Variants in ENDOD1 observed in about 807,000 individuals in gnomAD.
ENDOD1 encodes the protein endonuclease domain-containing 1 protein.
Under a neutral mutation model 6.5 loss-of-function variants are expected in ENDOD1, and 9 were observed. That is an observed-to-expected ratio of 1.39 (90% CI 0.84 to 2.43). The LOEUF (loss-of-function observed/expected upper bound fraction) is 2.43, where lower values mean the gene tolerates loss of function less well. Ranked by LOEUF, ENDOD1 falls within the 30% of genes most tolerant of loss-of-function variation. The probability of loss-of-function intolerance (pLI) is 0.00; values close to 1 mark genes in which losing one functional copy is unlikely to be tolerated. For missense variants in ENDOD1, 648 were observed against 635.5 expected (o/e 1.02, Z -0.21); for synonymous variants, 255 against 255.2 (o/e 1.00, Z 0.01).
chr11:95,113,378 C>A (rs1859168948), intron 1 of ENDOD1, among the ~76,000 whole-genome samples: 1 of 152,108 alleles, frequency 6.6e-6, no homozygotes, highest in Admixed American at 6.5e-5. Context: ...TTAACCGTCT[C>A]CACCTCCCCA....
intron 1 of ENDOD1, among the ~76,000 whole-genome samples, chr11:95,125,055 A>G (rs1164624778): frequency 1.3e-5 from 2 of 151,110 alleles, no homozygotes; most frequent in Non-Finnish European, 2.9e-5. Flanking sequence ...CCCCTTCCTC[A>G]TCCAAGTCCC....
At chr11:95,123,279 G>T (rs1164005819) in intron 1 of ENDOD1, among the ~76,000 whole-genome samples, 8 of 144,958 alleles carry the variant, frequency 5.5e-5, no homozygotes, top group African/African-American at 7.5e-5. Context: ...GTAATGTCCG[G>T]TTTTTTTTTT....
intron 1 of ENDOD1, among the ~76,000 whole-genome samples, chr11:95,100,581 T>C (rs2134163377): frequency 6.6e-6 from 1 of 152,214 alleles, no homozygotes; most frequent in African/African-American, 2.4e-5. Context: ...CTCTGCCTCC[T>C]GGGCTCAAGC....
chr11:95,128,306 G>A (rs1347829527), intron 1 of ENDOD1, 71 bp from the exon 2 acceptor site: 2 of 1,538,508 alleles, frequency 1.3e-6, no homozygotes, highest in Non-Finnish European at 1.8e-6. Flanking sequence ...CAGAGTCTGG[G>A]CAGGATGATT....
chr11:95,126,060 A>G (rs1859309370), intron 1 of ENDOD1, among the ~76,000 whole-genome samples: 1 of 152,214 alleles, frequency 6.6e-6, no homozygotes, highest in Admixed American at 6.5e-5. Flanking sequence ...TAGCAGGTGA[A>G]GAGTACCCAG....
At chr11:95,115,626 G>A (rs1565447444) in intron 1 of ENDOD1, among the ~76,000 whole-genome samples, 1 of 152,014 alleles carries the variant, frequency 6.6e-6, no homozygotes, top group Non-Finnish European at 1.5e-5. Context: ...TATGATACTA[G>A]TTGTGGGTCT....
chr11:95,122,084 CTATAA>C (rs779444253), intron 1 of ENDOD1, among the ~76,000 whole-genome samples: 1 of 152,124 alleles, frequency 6.6e-6, no homozygotes, highest in Non-Finnish European at 1.5e-5. Context: ...CAGTAATTTA[CTATAA>C]TTGCAATAAC....
chr11:95,114,807 C>T (rs755103402), intron 1 of ENDOD1, among the ~76,000 whole-genome samples: 3 of 152,020 alleles, frequency 2.0e-5, no homozygotes, highest in Admixed American at 6.6e-5. Flanking sequence ...TCACTGTAGG[C>T]GTGTGGATTT....
chr11:95,108,617 AT>A (rs1375923565), intron 1 of ENDOD1, among the ~76,000 whole-genome samples: 8 of 152,278 alleles, frequency 5.3e-5, no homozygotes, highest in African/African-American at 1.9e-4. Flanking sequence ...AGTATTTTAG[AT>A]GCCAAGCACG....
intron 1 of ENDOD1, among the ~76,000 whole-genome samples, chr11:95,117,268 G>A (rs782808894): frequency 1.3e-5 from 2 of 152,208 alleles, no homozygotes; most frequent in Non-Finnish European, 2.9e-5. Context: ...AATTAGCCAG[G>A]TGTGGTGGCA....
chr11:95,109,529 CT>C (rs1238864883), intron 1 of ENDOD1, among the ~76,000 whole-genome samples: 1 of 152,270 alleles, frequency 6.6e-6, no homozygotes, highest in Non-Finnish European at 1.5e-5. Flanking sequence ...TAATTGGGCA[CT>C]GGCCCTGGCC....
chr11:95,090,676 C>T (rs1858921896), intron 1 of ENDOD1, among the ~76,000 whole-genome samples: 1 of 152,146 alleles, frequency 6.6e-6, no homozygotes, highest in Non-Finnish European at 1.5e-5. Flanking sequence ...GCATTTTCAT[C>T]CCCATTTTAC....
chr11:95,118,558 T>G (rs1232078192), intron 1 of ENDOD1, among the ~76,000 whole-genome samples: 1 of 152,196 alleles, frequency 6.6e-6, no homozygotes, highest in Non-Finnish European at 1.5e-5. Context: ...TTGTATTTTA[T>G]ATGTTTCTTT....
At chr11:95,091,147 C>T (rs1858927218) in intron 1 of ENDOD1, among the ~76,000 whole-genome samples, 1 of 152,162 alleles carries the variant, frequency 6.6e-6, no homozygotes, top group Non-Finnish European at 1.5e-5. Flanking sequence ...TTGGCCTCCT[C>T]TCTAGAACAC....
chr11:95,118,476 G>A (rs935516245), intron 1 of ENDOD1, among the ~76,000 whole-genome samples: 3 of 152,148 alleles, frequency 2.0e-5, no homozygotes, highest in Non-Finnish European at 4.4e-5. Flanking sequence ...TCTAAATATG[G>A]AATGCCACTC....
At chr11:95,117,144 T>A (rs1555112560) in intron 1 of ENDOD1, among the ~76,000 whole-genome samples, 2 of 152,236 alleles carry the variant, frequency 1.3e-5, no homozygotes, top group Non-Finnish European at 1.5e-5. Flanking sequence ...GCACGGTGGC[T>A]CATGCCTGTA....
intron 1 of ENDOD1, among the ~76,000 whole-genome samples, chr11:95,121,783 C>T (rs1310635880): frequency 2.0e-5 from 3 of 152,028 alleles, no homozygotes; most frequent in Non-Finnish European, 2.9e-5. Flanking sequence ...GCTAGTAGAG[C>T]GAAGACAGCT....
intron 1 of ENDOD1, among the ~76,000 whole-genome samples, chr11:95,115,298 G>A (rs1011884411): frequency 3.3e-4 from 49 of 150,452 alleles, no homozygotes; most frequent in African/African-American, 1.2e-3. Context: ...ATTATTCGCT[G>A]TTGATATATA....
chr11:95,095,425 T>A (rs1555110218), intron 1 of ENDOD1, among the ~76,000 whole-genome samples: 1 of 1,600 alleles, frequency 6.3e-4, no homozygotes, highest in African/African-American at 1.9e-3. Context: ...AGGGGATGGT[T>A]CCAACCTTTG....
Sources: gnomAD v4.1 joint callset for allele counts (sites outside exome capture counted in the v4.1 genomes callset) on GRCh38, gnomAD v4.1.1 for gene constraint, MANE v1.5 for transcripts, NCBI Gene and HGNC (gene_info 2026-07-23, HGNC 2026-07-21) for gene names.